CADM2: variants seen among roughly 807,000 people sequenced by gnomAD.
CADM2 encodes immunoglobulin superfamily member 4D.
Under a neutral mutation model 49.8 loss-of-function variants are expected in CADM2, and 12 were observed. The ratio of observed to expected loss-of-function variants is 0.24; its 90% confidence interval spans 0.15 to 0.39. The LOEUF is 0.39. Ranked by LOEUF, CADM2 falls within the 10% of genes least tolerant of loss-of-function variation. The pLI is 1.00. For synonymous variants in CADM2, 214 were observed against 175.4 expected (o/e 1.22, Z -1.74); for missense variants, 378 against 492.3 (o/e 0.77, Z 2.20).
At chr3:85,625,449 A>G (rs1464760017) in intron 1 of CADM2, among the ~76,000 whole-genome samples, 4 of 152,118 alleles carry the variant, frequency 2.6e-5, no homozygotes, top group Non-Finnish European at 5.9e-5. Context: ...AATATTAAAC[A>G]GTCACCTTTA....
intron 1 of CADM2, among the ~76,000 whole-genome samples, chr3:85,271,444 A>G (rs1044656150): frequency 1.3e-5 from 2 of 151,314 alleles, no homozygotes; most frequent in Admixed American, 1.3e-4. Flanking sequence ...AGCAATATAC[A>G]TAGTATAATT....
chr3:85,638,113 C>T (rs1302505603), intron 1 of CADM2, among the ~76,000 whole-genome samples: 1 of 152,148 alleles, frequency 6.6e-6, no homozygotes, highest in African/African-American at 2.4e-5. Context: ...TTGCAACCAT[C>T]ATTATTATCT....
At chr3:85,038,976 A>G (rs1404334193) in intron 1 of CADM2, among the ~76,000 whole-genome samples, 1 of 152,120 alleles carries the variant, frequency 6.6e-6, no homozygotes, top group Non-Finnish European at 1.5e-5. Context: ...TTATTTTTTA[A>G]ACTCCTTCAT....
rs980837445 is a variant in CADM2, at chr3:85,001,948, C to A, written c.61+42280C>A. On this transcript the variant is annotated intron_variant, in intron 1 of 9. Coordinates refer to ENST00000383699, the MANE Select transcript of CADM2 (RefSeq NM_001167675.2). ...GCAGAGAAACTTAATTGAATCAAAA[C>A]TGTTAAATATTTTGCTGGTACTCTA... Among the ~76,000 whole-genome samples, 115 of 152,084 alleles carry A rather than the reference C, an allele frequency of 7.6e-4. 1 individual carries two copies. Among genetic ancestry groups the A allele is most frequent in the Non-Finnish European group, 5.9e-5 (4 of 68,000 alleles).
intron 1 of CADM2, among the ~76,000 whole-genome samples, chr3:85,568,129 A>G (rs1224200160): frequency 6.6e-6 from 1 of 152,156 alleles, no homozygotes; most frequent in African/African-American, 2.4e-5. Context: ...GTATCCCTTA[A>G]TTCCATCAAA....
intron 1 of CADM2, among the ~76,000 whole-genome samples, chr3:85,116,463 G>A (rs2038641807): frequency 1.3e-5 from 2 of 152,086 alleles, no homozygotes; most frequent in South Asian, 4.1e-4. Flanking sequence ...TCAAGTTCCT[G>A]AGTTATCAAA....
At chr3:85,463,146 C>T (rs2038326529) in intron 1 of CADM2, among the ~76,000 whole-genome samples, 1 of 152,140 alleles carries the variant, frequency 6.6e-6, no homozygotes, top group Non-Finnish European at 1.5e-5. Flanking sequence ...TTATTTGCAG[C>T]AGAACTGGAT....
At chr3:85,760,277 T>C (rs1299233135) in intron 2 of CADM2, among the ~76,000 whole-genome samples, 1 of 152,032 alleles carries the variant, frequency 6.6e-6, no homozygotes, top group Non-Finnish European at 1.5e-5. Context: ...TTTGCAGGCG[T>C]AACTTGCACA....
At chr3:85,846,389 G>GA (rs2074880648) in intron 3 of CADM2, among the ~76,000 whole-genome samples, 1 of 152,090 alleles carries the variant, frequency 6.6e-6, no homozygotes, top group Non-Finnish European at 1.5e-5. Flanking sequence ...GAACACTTGG[G>GA]AAGAGGTAGA....
At chr3:85,252,709 C>A (rs1009686324) in intron 1 of CADM2, among the ~76,000 whole-genome samples, 2 of 151,948 alleles carry the variant, frequency 1.3e-5, no homozygotes, top group Non-Finnish European at 2.9e-5. Flanking sequence ...GAGTCTGACT[C>A]CAGAGCCCAT....
chr3:85,245,694 T>G (rs1274657321), intron 1 of CADM2, among the ~76,000 whole-genome samples: 1 of 152,076 alleles, frequency 6.6e-6, no homozygotes, highest in African/African-American at 2.4e-5. Flanking sequence ...TACTTACTCT[T>G]TCTTATTTCT....
chr3:85,830,786 G>A (rs2074147002), intron 3 of CADM2, among the ~76,000 whole-genome samples: 1 of 149,332 alleles, frequency 6.7e-6, no homozygotes, highest in Non-Finnish European at 1.5e-5. Context: ...GTCAGAAGAT[G>A]TCTTTGTGCA....
chr3:86,022,325 G>A (rs1366383127), intron 8 of CADM2, among the ~76,000 whole-genome samples: 1 of 152,068 alleles, frequency 6.6e-6, no homozygotes, highest in Non-Finnish European at 1.5e-5. Context: ...ATAAGCCTCA[G>A]TTATTCCTTG....
At chr3:85,132,061 G>A (rs2107611049) in intron 1 of CADM2, among the ~76,000 whole-genome samples, 1 of 152,260 alleles carries the variant, frequency 6.6e-6, no homozygotes, top group Admixed American at 6.5e-5. Context: ...GATATTATTT[G>A]TGGTGAGAAT....
chr3:85,221,177 C>A (rs1212773223), intron 1 of CADM2, among the ~76,000 whole-genome samples: 1 of 152,112 alleles, frequency 6.6e-6, no homozygotes, highest in Admixed American at 6.5e-5. Context: ...TTCCAAATAT[C>A]CAATACAGGA....
intron 2 of CADM2, among the ~76,000 whole-genome samples, chr3:85,756,781 T>A (rs1231647644): frequency 6.6e-6 from 1 of 152,154 alleles, no homozygotes; most frequent in Admixed American, 6.6e-5. Context: ...TATCGAATAG[T>A]TTTTTGTGTG....
At chr3:85,601,429 A>G (rs1198539729) in intron 1 of CADM2, among the ~76,000 whole-genome samples, 1 of 151,126 alleles carries the variant, frequency 6.6e-6, no homozygotes, top group Non-Finnish European at 1.5e-5. Context: ...CATTAACTCA[A>G]TGAACTACTG....
Position 85,874,509 on chromosome 3 carries a change from T to C in CADM2, c.239-8782T>C, listed in dbSNP as rs570915433. Among the ~76,000 whole-genome samples the C allele has an allele frequency of 5.9e-5, 9 of 152,278 alleles. No individual in the cohort carries two copies. In the East Asian group the frequency reaches 1.5e-3, roughly 26 times the overall value. On this transcript the variant is annotated intron_variant, in intron 3 of 9. Transcript: ENST00000383699. ...ATGAGAGTTATACCACATGGCTACA[T>C]ATGGTGATGGTTTTATAGTTAGATA... is the stretch of plus-strand genomic sequence containing the variant.
rs1376316517 is a variant in CADM2, at chr3:85,643,801, G to T, written c.62-82721G>T. ...ATATTTTAAGTTTTTAAGGATTATT[G>T]TTATTATATGTGGAGTCATTGTTTA... On this transcript the variant is annotated intron_variant, in intron 1 of 9. Coordinates refer to ENST00000383699, the MANE Select transcript of CADM2 (RefSeq NM_001167675.2). Among the ~76,000 whole-genome samples the T allele has an allele frequency of 2.6e-5, 4 of 152,148 alleles. No individual in the cohort carries two copies. In the East Asian group the frequency reaches 5.8e-4, roughly 22 times the overall value.
Sources: gnomAD v4.1 joint callset for allele counts (sites outside exome capture counted in the v4.1 genomes callset) on GRCh38, gnomAD v4.1.1 for gene constraint, MANE v1.5 for transcripts, NCBI Gene and HGNC (gene_info 2026-07-23, HGNC 2026-07-21) for gene names.